CTNND1: variants seen among roughly 807,000 people sequenced by gnomAD.
The protein encoded by CTNND1 is catenin delta-1.
Under a neutral mutation model 112.1 loss-of-function variants are expected in CTNND1, and 16 were observed. That is an observed-to-expected ratio of 0.14 (90% CI 0.10 to 0.22). The LOEUF (loss-of-function observed/expected upper bound fraction) is 0.22, where lower values mean the gene tolerates loss of function less well. CTNND1 is among the 10% of genes least tolerant of loss of function. The probability of loss-of-function intolerance (pLI) is 1.00; values close to 1 mark genes in which losing one functional copy is unlikely to be tolerated. For synonymous variants in CTNND1, 420 were observed against 446.5 expected, an observed-to-expected ratio of 0.94 and a Z score of 0.75; for missense variants, 1,008 against 1,257.0, an observed-to-expected ratio of 0.80 and a Z score of 3.00.
intron 1 of CTNND1, among the ~76,000 whole-genome samples, chr11:57,765,902 GGCTCACGCC>G (rs1950943952): frequency 6.6e-6 from 1 of 152,150 alleles, no homozygotes; most frequent in Non-Finnish European, 1.5e-5. Context: ...CTGGTGCGGT[GGCTCACGCC>G]TGTGATCCCG....
chr11:57,811,665 A>G (rs1465540665), intron 17 of CTNND1, among the ~76,000 whole-genome samples, 179 bp downstream of exon 17: 1 of 152,216 alleles, frequency 6.6e-6, no homozygotes, highest in African/African-American at 2.4e-5. Flanking sequence ...AGAAATCAAA[A>G]CAAAACAGGT....
chr11:57,804,823 A>AC lies in CTNND1; in HGVS notation c.1722+45dup, dbSNP rs759489592. On this transcript the variant is annotated intron_variant, in intron 9 of 20. Transcript: ENST00000399050. ...TTTAATGGCTGAGTGAATTTCATTC[A>AC]CCACAACTATGAAGTATCTGTAGGT... 3.5e-6 allele frequency: 5 copies of AC among 1,411,074 alleles called. No homozygotes were observed. The African/African-American group carries it at 4.2e-5, about 12-fold the overall frequency. 87.4% of individuals were successfully genotyped at this position (1,411,074 alleles called of 1,614,324 possible). A position where few individuals can be genotyped will look rare whatever the true frequency, so the allele number is the denominator to read the frequency against.
rs1199431791 is a variant in CTNND1 at position 57,819,372 on chromosome 11, T to C, written c.*3064T>C. 3 of 152,238 alleles carry C rather than the reference T, an allele frequency of 2.0e-5. No homozygotes were observed. Among genetic ancestry groups the C allele is most frequent in the African/African-American group, 4.8e-5 (2 of 41,462 alleles). The allele number at this position is 152,238 out of a possible 1,614,324, so 9.4% of individuals were successfully genotyped here. On this transcript the variant is annotated 3_prime_UTR_variant, in exon 21 of 21. Transcript: ENST00000399050. ...TTCCAAAGAGTTTTGATAGCCCTGC[T>C]TGAGATGATTTTTATCTAAATAGAA... is the stretch of plus-strand genomic sequence containing the variant.
At chr11:57,796,225 A>C (rs1030117910) in intron 5 of CTNND1, among the ~76,000 whole-genome samples, 2 of 152,074 alleles carry the variant, frequency 1.3e-5, no homozygotes, top group African/African-American at 4.8e-5. Flanking sequence ...TCTCTACTAA[A>C]AATACAAAAA....
Position 57,815,901 on chromosome 11 carries a change from G to C in CTNND1, c.2809-14G>C, listed in dbSNP as rs1400268381. ...CTGTCTCTACTCATACTAACAAATT[G>C]CATGTGTTCACAGCAGGACGAGGGG... On this transcript the variant is annotated splice_polypyrimidine_tract_variant and intron_variant, in intron 19 of 20. Transcript: ENST00000399050. The C allele has an allele frequency of 2.5e-6, 4 of 1,601,654 alleles. No individual in the cohort carries two copies. The African/African-American group carries it at 4.0e-5, about 16-fold the overall frequency.
chr11:57,765,961 A>G (rs868351954), intron 1 of CTNND1, among the ~76,000 whole-genome samples: 10 of 152,120 alleles, frequency 6.6e-5, no homozygotes, highest in African/African-American at 2.4e-4. Context: ...GCTGGGCAAC[A>G]TGGTGAAGAC....
intron 3 of CTNND1, chr11:57,793,196 G>A (rs2060963696): frequency 5.3e-5 from 8 of 152,176 alleles, no homozygotes. Context: ...GGTGGAGGAA[G>A]AGTCTCCCAA....
Position 57,788,813 on chromosome 11 carries a change from C to G in CTNND1, c.-213-224C>G, listed in dbSNP as rs1047603894. 1.3e-5 allele frequency among the ~76,000 whole-genome samples: 2 copies of G among 152,162 alleles called. No individual in the cohort carries two copies. The highest frequency in any genetic ancestry group is 2.9e-5 in the Non-Finnish European group (2 of 68,036). ...ATATGGAAATACAAATAGAGGAGCTCTCACTTGACAGTAGAATCCAGGTTT... is the reference window on the plus strand; with the variant it reads ...ATATGGAAATACAAATAGAGGAGCTGTCACTTGACAGTAGAATCCAGGTTT... On this transcript the variant is annotated intron_variant, in intron 1 of 20. Coordinates refer to ENST00000399050, the MANE Select transcript of CTNND1 (RefSeq NM_001085458.2). This position sits in a 1 kb window ranked among gnomAD's most constrained non-coding sequence, Gnocchi z 4.1.
chr11:57,811,527 C>G (rs760557791), intron 17 of CTNND1, 41 bp downstream of exon 17: 2 of 1,375,292 alleles, frequency 1.5e-6, no homozygotes, highest in Non-Finnish European at 2.1e-6. Flanking sequence ...TTTAGCCACT[C>G]TTGCTGTTCT....
chr11:57,797,855 A>AC (rs1297800939), intron 6 of CTNND1, among the ~76,000 whole-genome samples: 2 of 150,438 alleles, frequency 1.3e-5, no homozygotes, highest in African/African-American at 2.4e-5. Context: ...AAAAAAAAAA[A>AC]AAAAAAAACA....
rs1455787196 is a variant in CTNND1, at chr11:57,796,900, T to C, written c.864T>C (p.Ser288=). 1 of 1,602,226 alleles carries C rather than the reference T, an allele frequency of 6.2e-7. No individual in the cohort carries two copies. The highest frequency in any genetic ancestry group is 8.5e-7 in the Non-Finnish European group (1 of 1,172,158). Residue 288 remains serine (S), a synonymous_variant, in exon 6 of 21, where the codon AGT becomes AGC. Transcript: ENST00000399050. ...ATGGGCTAGAGGATGACCAGCGTAG[T>C]ATGGGCTATGATGACCTGGATTATG... ...EPYGLEDDQR[S]MGYDDLDYGM...
intron 1 of CTNND1, among the ~76,000 whole-genome samples, chr11:57,782,034 A>AT (rs879409277): frequency 5.9e-4 from 86 of 145,670 alleles, no homozygotes; most frequent in African/African-American, 8.2e-4. Flanking sequence ...GGTGGAGGTG[A>AT]TTTTTTTTTT....
At chr11:57,808,600 G>T in intron 14 of CTNND1, 60 bp downstream of exon 14, 1 of 1,426,734 alleles carries the variant, frequency 7.0e-7, no homozygotes, top group South Asian at 1.7e-5. Context: ...TAGTCCAGCA[G>T]GTGCCTAATA....
intron 1 of CTNND1, among the ~76,000 whole-genome samples, chr11:57,769,891 A>G (rs1565275462): frequency 6.6e-6 from 1 of 152,104 alleles, no homozygotes; most frequent in Admixed American, 6.6e-5. Context: ...TTTCTTGATT[A>G]ATTACTCATT....
chr11:57,768,349 A>G (rs1468430173), intron 1 of CTNND1, among the ~76,000 whole-genome samples: 2 of 151,076 alleles, frequency 1.3e-5, no homozygotes, highest in Admixed American at 6.6e-5. Context: ...TGGGAGGAAG[A>G]TAAACAGAAT....
At chr11:57,811,629 G>A (rs904547020) in intron 17 of CTNND1, 143 bp downstream of exon 17, 15 of 605,388 alleles carry the variant, frequency 2.5e-5, no homozygotes, top group Admixed American at 3.1e-5. Flanking sequence ...GGATCCTAAC[G>A]CAGAAATGGG....
intron 1 of CTNND1, among the ~76,000 whole-genome samples, chr11:57,772,383 A>C (rs1329705724): frequency 1.3e-5 from 2 of 152,100 alleles, no homozygotes; most frequent in Non-Finnish European, 2.9e-5. Context: ...CTTTTGACCA[A>C]ATAGGCTTGC....
At chr11:57,814,657 T>G (rs1319579263) in intron 18 of CTNND1, among the ~76,000 whole-genome samples, 1 of 152,180 alleles carries the variant, frequency 6.6e-6, no homozygotes. Context: ...CCCAGTCTCC[T>G]TCTCTGGAGT....
chr11:57,785,672 C>T (rs560845053), intron 1 of CTNND1, among the ~76,000 whole-genome samples: 1 of 151,944 alleles, frequency 6.6e-6, no homozygotes, highest in South Asian at 2.1e-4. Flanking sequence ...GCCTCAGCCT[C>T]CTGAGTAGCT....
Sources: allele counts gnomAD v4.1 joint callset (sites outside exome capture counted in the v4.1 genomes callset), GRCh38; gene constraint gnomAD v4.1.1; non-coding constraint Gnocchi (gnomAD v3.1); transcripts MANE v1.5; gene names NCBI Gene and HGNC (gene_info 2026-07-23, HGNC 2026-07-21).